MEIKIN: variants seen among roughly 807,000 people sequenced by gnomAD.
MEIKIN encodes meiotic kinetochore factor.
chr5:131,903,972 A>T (rs887020828), intron 8 of MEIKIN, among the ~76,000 whole-genome samples: 6 of 152,164 alleles, frequency 3.9e-5, no homozygotes, highest in African/African-American at 1.4e-4. Flanking sequence ...AAAAAAAACA[A>T]AAAAACAAAA....
chr5:131,927,014 A>G (rs1751598427), intron 5 of MEIKIN, among the ~76,000 whole-genome samples: 2 of 150,790 alleles, frequency 1.3e-5, no homozygotes, highest in Admixed American at 6.6e-5. Context: ...TTCTGCTCTA[A>G]ATTTTATTTC....
intron 8 of MEIKIN, among the ~76,000 whole-genome samples, chr5:131,905,263 C>T (rs1293000252): frequency 2.0e-5 from 3 of 152,096 alleles, no homozygotes; most frequent in African/African-American, 4.8e-5. Flanking sequence ...GAAGAAGATA[C>T]AACATACCAG....
In MEIKIN at chr5:131,890,093, G is replaced by A. The variant is rs151286660; in HGVS notation, c.704-11045C>T. 4.7e-3 allele frequency among the ~76,000 whole-genome samples: 712 copies of A among 152,268 alleles called. 9 individuals carry two copies. Among genetic ancestry groups the A allele is most frequent in the African/African-American group, 0.016 (676 of 41,546 alleles). On this transcript the variant is annotated intron_variant, in intron 8 of 12. Coordinates refer to ENST00000442687, the MANE Select transcript of MEIKIN (RefSeq NM_001303622.2). ...GATCATGGTGGATAAGCTTTTTGAT[G>A]TGCTGCTGGATTCAGTTTGCCAGTA...
At chr5:131,941,386 T>C (rs1267039797) in intron 4 of MEIKIN, among the ~76,000 whole-genome samples, 1 of 152,020 alleles carries the variant, frequency 6.6e-6, no homozygotes, top group Non-Finnish European at 1.5e-5. Flanking sequence ...CTCGAACTCC[T>C]GACCTCAAGT....
chr5:131,826,086 C>CTTTTTTTTTTTTTTTTTTTT (rs35951729), intron 11 of MEIKIN, among the ~76,000 whole-genome samples: 1 of 124,992 alleles, frequency 8.0e-6, no homozygotes, highest in African/African-American at 3.0e-5. Flanking sequence ...TTCTTGTTTT[C>CTTTTTTTTTTTTTTTTTTTT]TTTTTTTTTT....
intron 4 of MEIKIN, among the ~76,000 whole-genome samples, chr5:131,941,294 G>C (rs1286051771): frequency 2.0e-5 from 3 of 147,082 alleles, no homozygotes; most frequent in Admixed American, 2.0e-4. Context: ...GAGTAGCTGG[G>C]ATTACAGGCG....
At chr5:131,934,864 TGG>T (rs1460093388) in intron 4 of MEIKIN, among the ~76,000 whole-genome samples, 2 of 151,816 alleles carry the variant, frequency 1.3e-5, no homozygotes, top group Non-Finnish European at 2.9e-5. Flanking sequence ...GAGACCATCC[TGG>T]CCAACATGGT....
At chr5:131,906,557 C>T (rs991804717) in intron 8 of MEIKIN, among the ~76,000 whole-genome samples, 2 of 152,070 alleles carry the variant, frequency 1.3e-5, no homozygotes, top group African/African-American at 2.4e-5. Context: ...CATAAAGACA[C>T]ATACAAGCAC....
At chr5:131,840,674 G>A (rs928594216) in intron 11 of MEIKIN, among the ~76,000 whole-genome samples, 19 of 152,118 alleles carry the variant, frequency 1.2e-4, no homozygotes, top group Non-Finnish European at 2.5e-4. Flanking sequence ...TGAAATTCTT[G>A]TAGTGTGTTT....
chr5:131,844,751 C>A (rs757272554), intron 11 of MEIKIN, among the ~76,000 whole-genome samples: 3 of 152,126 alleles, frequency 2.0e-5, no homozygotes, highest in Admixed American at 2.0e-4. Flanking sequence ...CAAGCAAGAA[C>A]CCTTTTTTTC....
chr5:131,820,131 G>C (rs1450505195), intron 11 of MEIKIN, among the ~76,000 whole-genome samples: 3 of 142,484 alleles, frequency 2.1e-5, no homozygotes, highest in Non-Finnish European at 4.5e-5. Flanking sequence ...GAGTACAGTC[G>C]TGTGTTCTCA....
chr5:131,924,307 T>C (rs531725533), intron 5 of MEIKIN, among the ~76,000 whole-genome samples: 1 of 152,298 alleles, frequency 6.6e-6, no homozygotes, highest in South Asian at 2.1e-4. Flanking sequence ...AATATCTCTT[T>C]GAGATCCTGA....
At chr5:131,890,537 G>C (rs868096702) in intron 8 of MEIKIN, among the ~76,000 whole-genome samples, 11 of 152,290 alleles carry the variant, frequency 7.2e-5, no homozygotes, top group Middle Eastern at 3.4e-3. Context: ...ATGGTAGTTT[G>C]TATTTCTGTG....
intron 9 of MEIKIN, among the ~76,000 whole-genome samples, chr5:131,874,196 T>A (rs937510265): frequency 1.3e-5 from 2 of 152,116 alleles, no homozygotes; most frequent in Non-Finnish European, 2.9e-5. Context: ...GAAAAATTAA[T>A]GAATCCAGGA....
chr5:131,874,805 T>C (rs1750581351), intron 9 of MEIKIN, among the ~76,000 whole-genome samples: 1 of 152,188 alleles, frequency 6.6e-6, no homozygotes, highest in African/African-American at 2.4e-5. Flanking sequence ...CATGATCAAG[T>C]GGGCTTCATC....
At position 131,848,051 on chromosome 5, in the gene MEIKIN, C is replaced by A. The variant is rs190040722; in HGVS notation, c.975+3213G>T. Among the ~76,000 whole-genome samples the A allele has an allele frequency of 4.8e-3, 728 of 152,160 alleles. 5 individuals carry two copies. The highest frequency in any genetic ancestry group is 0.017 in the African/African-American group (691 of 41,536). The stretch of plus-strand genomic sequence containing the variant: ...GCAGTGCTTAAAGGGAAATTTATGG[C>A]TATAAATGCTTAAATTGAAAAACAA... On this transcript the variant is annotated intron_variant, in intron 11 of 12. Transcript: ENST00000442687.
chr5:131,931,450 G>C (rs1271355024), intron 5 of MEIKIN, among the ~76,000 whole-genome samples: 4 of 152,050 alleles, frequency 2.6e-5, no homozygotes, highest in African/African-American at 9.7e-5. Flanking sequence ...GGGTATGTTG[G>C]GTCCTATCAG....
chr5:131,877,020 A>T (rs1324627165), intron 9 of MEIKIN, among the ~76,000 whole-genome samples: 1 of 150,070 alleles, frequency 6.7e-6, no homozygotes, highest in African/African-American at 2.5e-5. Flanking sequence ...GGGGCGAGGG[A>T]TAGCATTAGG....
intron 9 of MEIKIN, among the ~76,000 whole-genome samples, chr5:131,871,154 C>A (rs1037677173): frequency 6.6e-6 from 1 of 152,094 alleles, no homozygotes; most frequent in Admixed American, 6.6e-5. Flanking sequence ...TAGTGGGTGC[C>A]GGACAGTGGG....
Sources: gnomAD v4.1 joint callset for allele counts (sites outside exome capture counted in the v4.1 genomes callset) on GRCh38, gnomAD v4.1.1 for gene constraint, MANE v1.5 for transcripts, NCBI Gene and HGNC (gene_info 2026-07-23, HGNC 2026-07-21) for gene names.